Variants in KIAA1328 observed in about 807,000 individuals in gnomAD.
The protein encoded by KIAA1328 is KIAA1328, also known as protein hinderin.
In KIAA1328, 52 loss-of-function variants were observed where a neutral mutation model predicts 68.1. The ratio of observed to expected loss-of-function variants is 0.76; its 90% CI spans 0.61 to 0.96. The LOEUF (loss-of-function observed/expected upper bound fraction) is 0.96, where lower values mean the gene tolerates loss of function less well. KIAA1328 is among the 40% of genes least tolerant of loss of function. The pLI is 0.00. For missense variants in KIAA1328, 641 were observed against 677.6 expected (o/e 0.95, Z 0.60); for synonymous variants, 232 against 239.4 (o/e 0.97, Z 0.28).
At chr18:37,063,096 T>C (rs2151718322) in intron 6 of KIAA1328, among the ~76,000 whole-genome samples, 1 of 152,238 alleles carries the variant, frequency 6.6e-6, no homozygotes, top group South Asian at 2.1e-4. Context: ...TGCAGGTTTG[T>C]TACATATGTA....
At chr18:37,216,899 C>CTTTTTTTT (rs762745405) in intron 9 of KIAA1328, among the ~76,000 whole-genome samples, 16 of 90,316 alleles carry the variant, frequency 1.8e-4, no homozygotes, top group East Asian at 3.3e-4. Flanking sequence ...TTCTTTGTCT[C>CTTTTTTTT]TTTTTTTTTT....
rs557129184 is a variant in KIAA1328 at position 36,944,410 on chromosome 18, C to T, written c.449-14898C>T. Among the ~76,000 whole-genome samples the T allele has an allele frequency of 4.5e-3, 687 of 152,206 alleles. 6 individuals carry two copies. Among genetic ancestry groups the T allele is most frequent in the South Asian group, 0.03 (146 of 4,812 alleles). ...TGGCTAACACGGTGAAACCCCATCT[C>T]TACTAAAAACACAAAAATATTAGCC... On this transcript the variant is annotated intron_variant, in intron 5 of 9. Coordinates refer to ENST00000280020, the MANE Select transcript of KIAA1328 (RefSeq NM_020776.3).
chr18:37,061,646 T>C (rs2056151606), intron 6 of KIAA1328, among the ~76,000 whole-genome samples: 1 of 152,182 alleles, frequency 6.6e-6, no homozygotes, highest in African/African-American at 2.4e-5. Flanking sequence ...CTGGAGCAGC[T>C]CCAGAAAGAA....
At chr18:36,972,343 T>G (rs1445530) in intron 6 of KIAA1328, among the ~76,000 whole-genome samples, 111,385 of 152,098 alleles carry the variant, frequency 0.73, 43,938 homozygotes, top group South Asian at 0.89. Flanking sequence ...ACCAGTTTTT[T>G]TCTTCTTTAG....
chr18:36,971,066 G>A (rs2052184728), intron 6 of KIAA1328, among the ~76,000 whole-genome samples: 1 of 152,186 alleles, frequency 6.6e-6, no homozygotes, highest in African/African-American at 2.4e-5. Flanking sequence ...CAAGGCTACA[G>A]TAACCAAAAC....
chr18:36,999,591 A>G (rs2053514633), intron 6 of KIAA1328, among the ~76,000 whole-genome samples: 1 of 152,228 alleles, frequency 6.6e-6, no homozygotes, highest in Non-Finnish European at 1.5e-5. Flanking sequence ...ACACCTTACA[A>G]GCTCAAAGAG....
At chr18:37,064,422 A>T (rs1203236471) in intron 6 of KIAA1328, among the ~76,000 whole-genome samples, 1 of 152,014 alleles carries the variant, frequency 6.6e-6, no homozygotes, top group East Asian at 1.9e-4. Flanking sequence ...TTCTCCCCTT[A>T]TACTAGGGAT....
At chr18:36,884,076 G>A (rs553275565) in intron 4 of KIAA1328, among the ~76,000 whole-genome samples, 24 of 151,614 alleles carry the variant, frequency 1.6e-4, no homozygotes, top group Non-Finnish European at 2.9e-4. Flanking sequence ...TTCTTAGTAA[G>A]ATTAATAATG....
intron 5 of KIAA1328, among the ~76,000 whole-genome samples, chr18:36,931,841 AT>A (rs2050322147): frequency 6.6e-6 from 1 of 151,494 alleles, no homozygotes; most frequent in Non-Finnish European, 1.5e-5. Context: ...CATTTTTTTA[AT>A]TTTTAGTTTT....
intron 6 of KIAA1328, among the ~76,000 whole-genome samples, chr18:37,027,045 G>A (rs958929658): frequency 7.9e-5 from 12 of 152,062 alleles, no homozygotes; most frequent in Admixed American, 5.9e-4. Context: ...CAAAATCAAT[G>A]TGCAAAAATC....
intron 9 of KIAA1328, among the ~76,000 whole-genome samples, chr18:37,200,207 G>C (rs1473080509): frequency 6.6e-6 from 1 of 152,188 alleles, no homozygotes; most frequent in Non-Finnish European, 1.5e-5. Flanking sequence ...AGTTGCCTTG[G>C]GGAGTGCTCC....
chr18:36,942,666 A>C (rs1221237261), intron 5 of KIAA1328, among the ~76,000 whole-genome samples: 1 of 152,168 alleles, frequency 6.6e-6, no homozygotes, highest in Non-Finnish European at 1.5e-5. Context: ...ATTAATTTTT[A>C]ATAGGAGTAA....
At chr18:36,886,886 A>C (rs2048519449) in intron 5 of KIAA1328, among the ~76,000 whole-genome samples, 1 of 152,208 alleles carries the variant, frequency 6.6e-6, no homozygotes, top group Non-Finnish European at 1.5e-5. Context: ...TACAATAATT[A>C]GCTTGAAAAA....
At position 37,222,635 on chromosome 18, in the gene KIAA1328, C is replaced by G; in HGVS notation, c.*408C>G. 1 of 1,026,886 alleles carries G rather than the reference C, an allele frequency of 9.7e-7. No homozygotes were observed. 63.6% of individuals were successfully genotyped at this position (1,026,886 alleles called of 1,614,324 possible). A position where few individuals can be genotyped will look rare whatever the true frequency, so the allele number is the denominator to read the frequency against. ...AAAATCCCTCTGATTTAAAAGTAAC[C>G]CCTTTGAAACATAAGCAGTTTCAGA... On this transcript the variant is annotated 3_prime_UTR_variant, in exon 10 of 10. Transcript: ENST00000280020.
At chr18:37,043,360 A>G (rs1342413942) in intron 6 of KIAA1328, among the ~76,000 whole-genome samples, 1 of 152,004 alleles carries the variant, frequency 6.6e-6, no homozygotes, top group Non-Finnish European at 1.5e-5. Flanking sequence ...ATTTGATGTG[A>G]TATATTATAA....
chr18:36,884,398 G>A (rs1228111633), intron 4 of KIAA1328, among the ~76,000 whole-genome samples: 5 of 152,150 alleles, frequency 3.3e-5, no homozygotes, highest in Non-Finnish European at 7.4e-5. Flanking sequence ...GCTATGATAA[G>A]CGAGAAGAAA....
intron 1 of KIAA1328, among the ~76,000 whole-genome samples, chr18:36,833,859 A>G (rs781193295): frequency 9.9e-5 from 15 of 152,222 alleles, no homozygotes; most frequent in Non-Finnish European, 2.1e-4. Flanking sequence ...TGCATGATTG[A>G]CTTGCCCTCA....
At chr18:37,205,083 G>A (rs942766274) in intron 9 of KIAA1328, among the ~76,000 whole-genome samples, 1 of 152,122 alleles carries the variant, frequency 6.6e-6, no homozygotes, top group Non-Finnish European at 1.5e-5. Flanking sequence ...CTCCAAAGAG[G>A]TGCAGTGCAG....
At chr18:37,094,916 G>A (rs1192588509) in intron 7 of KIAA1328, among the ~76,000 whole-genome samples, 1 of 151,286 alleles carries the variant, frequency 6.6e-6, no homozygotes, top group Non-Finnish European at 1.5e-5. Context: ...GCATACAGAG[G>A]CAGTTATAGT....
Sources: gnomAD v4.1 joint callset for allele counts (sites outside exome capture counted in the v4.1 genomes callset) on GRCh38, gnomAD v4.1.1 for gene constraint, MANE v1.5 for transcripts, NCBI Gene and HGNC (gene_info 2026-07-23, HGNC 2026-07-21) for gene names.